ACOT7: variants seen among roughly 807,000 people sequenced by gnomAD.
ACOT7 encodes the protein cytosolic acyl coenzyme A thioester hydrolase.
A neutral mutation model predicts 40.2 loss-of-function variants in ACOT7; 12 were observed. The ratio of observed to expected loss-of-function variants is 0.30; its 90% confidence interval spans 0.19 to 0.48. The LOEUF (loss-of-function observed/expected upper bound fraction) is 0.48. Ranked by LOEUF, ACOT7 falls within the 20% of genes least tolerant of loss-of-function variation. The pLI, the probability that ACOT7 is intolerant of heterozygous loss-of-function variation, is 0.99. For synonymous variants in ACOT7, 228 were observed against 219.5 expected, an observed-to-expected ratio of 1.04 and a Z score of -0.34; for missense variants, 395 against 530.8, an observed-to-expected ratio of 0.74 and a Z score of 2.51.
In ACOT7 at chr1:6,332,737, C is replaced by T. The variant is rs543256561; in HGVS notation, c.510+740G>A. 3.3e-5 allele frequency among the ~76,000 whole-genome samples: 5 copies of T among 152,016 alleles called. No homozygotes were observed. In the East Asian group the frequency reaches 9.6e-4, roughly 29 times the overall value. ...TCAGGAGGCTGAGGCAGGAGAATGG[C>T]GTGAACGTGGGAGGCGGAGCTTGCA... On this transcript the variant is annotated intron_variant, in intron 4 of 8. Transcript: ENST00000361521.
At chr1:6,314,042 G>A (rs549451371) in intron 6 of ACOT7, among the ~76,000 whole-genome samples, 1 of 152,324 alleles carries the variant, frequency 6.6e-6, no homozygotes, top group Non-Finnish European at 1.5e-5. Context: ...AATGAGCAAC[G>A]TGGAGGAGGA....
chr1:6,318,145 T>G (rs1488790245), intron 6 of ACOT7, among the ~76,000 whole-genome samples: 1 of 152,220 alleles, frequency 6.6e-6, no homozygotes, highest in African/African-American at 2.4e-5. Flanking sequence ...AACTTCGACC[T>G]CCTGGGCTCA....
chr1:6,369,838 C>A, intron 1 of ACOT7, among the ~76,000 whole-genome samples: 1 of 152,174 alleles, frequency 6.6e-6, no homozygotes, highest in East Asian at 1.9e-4. Context: ...CCTCAGCCTC[C>A]CAAAGTGTTA....
At chr1:6,357,465 G>A (rs1223758640) in intron 1 of ACOT7, among the ~76,000 whole-genome samples, 3 of 152,230 alleles carry the variant, frequency 2.0e-5, no homozygotes, top group African/African-American at 7.2e-5. Context: ...CAAACCAGAG[G>A]TCAAGCACCA....
Position 6,294,370 on chromosome 1 carries a change from G to A in ACOT7, c.829+494C>T, listed in dbSNP as rs1208528160. ...TTTCCAGGCAGGGGCCAGGTGGCTG[G>A]GGTTGGATTTTTGTGGTGGAGAAAA... On this transcript the variant is annotated intron_variant, in intron 7 of 8. Transcript: ENST00000361521. This position sits in a 1 kb window ranked among gnomAD's most constrained non-coding sequence, Gnocchi z 4.6. Among the ~76,000 whole-genome samples, 3 of 152,240 alleles carry A rather than the reference G, an allele frequency of 2.0e-5. No homozygotes were observed. The highest frequency in any genetic ancestry group is 4.4e-5 in the Non-Finnish European group (3 of 68,044).
intron 1 of ACOT7, among the ~76,000 whole-genome samples, chr1:6,369,957 C>T (rs1642097126): frequency 6.6e-6 from 1 of 152,154 alleles, no homozygotes; most frequent in African/African-American, 2.4e-5. Flanking sequence ...TGCTATTATC[C>T]ACTATGGTTT....
chr1:6,298,768 A>G lies in ACOT7; in HGVS notation c.713-3788T>C, dbSNP rs527612567. On this transcript the variant is annotated intron_variant, in intron 6 of 8. Transcript: ENST00000361521. ...CTCTCTCCCATGGCAAGGGGCCTCCATAAAGGCCCAGCAAGCCCAGCCCTC... is the reference window on the plus strand; with the variant it reads ...CTCTCTCCCATGGCAAGGGGCCTCCGTAAAGGCCCAGCAAGCCCAGCCCTC... Among the ~76,000 whole-genome samples the G allele has an allele frequency of 4.6e-5, 7 of 152,342 alleles. No homozygotes were observed. In the South Asian group the frequency reaches 1.4e-3, roughly 32 times the overall value.
rs1431498367 is a variant in ACOT7 at position 6,294,035 on chromosome 1, G to A, written c.829+829C>T. ...CACTTCTTCCACTCTCGCTTCCCAC[G>A]ACAAGGGGCTGGTCTCAGCCAACAG... On this transcript the variant is annotated intron_variant, in intron 7 of 8. Coordinates refer to ENST00000361521, the MANE Select transcript of ACOT7 (RefSeq NM_007274.4). This position sits in a 1 kb window ranked among gnomAD's most constrained non-coding sequence, Gnocchi z 4.6. 2.0e-5 allele frequency among the ~76,000 whole-genome samples: 3 copies of A among 152,198 alleles called. No homozygotes were observed. The highest frequency in any genetic ancestry group is 4.4e-5 in the Non-Finnish European group (3 of 68,034).
intron 1 of ACOT7, among the ~76,000 whole-genome samples, chr1:6,354,884 T>G: frequency 1.4e-5 from 2 of 148,062 alleles, no homozygotes; most frequent in Non-Finnish European, 3.0e-5. Flanking sequence ...CCTCTGCACT[T>G]GCCTCTTGCC....
At chr1:6,323,870 C>G (rs920312385) in intron 5 of ACOT7, among the ~76,000 whole-genome samples, 1 of 150,586 alleles carries the variant, frequency 6.6e-6, no homozygotes, top group African/African-American at 2.4e-5. Context: ...GGTTGCTAGG[C>G]AACAGTCTGA....
intron 4 of ACOT7, among the ~76,000 whole-genome samples, chr1:6,332,001 G>C (rs925781562): frequency 2.0e-5 from 3 of 152,176 alleles, no homozygotes; most frequent in Non-Finnish European, 2.9e-5. Context: ...ACGGGAAGAT[G>C]GAGAGCCAGG....
chr1:6,324,559 G>A (rs1248576218), intron 5 of ACOT7, among the ~76,000 whole-genome samples: 1 of 152,170 alleles, frequency 6.6e-6, no homozygotes, highest in African/African-American at 2.4e-5. Context: ...GCAGAAGCTA[G>A]GATCTAATCC....
rs544289164 is a variant in ACOT7, at chr1:6,359,172, G to A, written c.144-9306C>T. The A allele has an allele frequency of 7.9e-5, 20 of 254,090 alleles. No homozygotes were observed. Among genetic ancestry groups the A allele is most frequent in the Admixed American group, 4.6e-4 (9 of 19,468 alleles). The allele number at this position is 254,090 out of a possible 1,614,324, so 15.7% of individuals were successfully genotyped here. On this transcript the variant is annotated intron_variant, in intron 1 of 8. Transcript: ENST00000361521. The surrounding 1 kb of genome is among the most constrained non-coding windows in gnomAD (Gnocchi z 4.1). ...CGCTGCTGAGCGGCCTCAGGGAAGC[G>A]GCTATGAGGCTCTGCCTTCTCTGAC...
chr1:6,335,376 C>G (rs1427969381), intron 3 of ACOT7, among the ~76,000 whole-genome samples: 1 of 148,276 alleles, frequency 6.7e-6, no homozygotes, highest in Admixed American at 6.7e-5. Flanking sequence ...GCGGTGCACA[C>G]ATGTGGTCCC....
intron 4 of ACOT7, among the ~76,000 whole-genome samples, chr1:6,329,993 C>T (rs939741906): frequency 6.6e-6 from 1 of 152,108 alleles, no homozygotes; most frequent in African/African-American, 2.4e-5. Flanking sequence ...CTGCGCTAGA[C>T]GACTGTGCGC....
intron 1 of ACOT7, among the ~76,000 whole-genome samples, chr1:6,360,258 C>A (rs1329438896): frequency 1.3e-5 from 2 of 152,230 alleles, no homozygotes; most frequent in Non-Finnish European, 2.9e-5. Flanking sequence ...GGGATCCCAC[C>A]GACCCAAAAT....
chr1:6,392,940 T>C (rs973569483), intron 1 of ACOT7, among the ~76,000 whole-genome samples: 2 of 151,946 alleles, frequency 1.3e-5, no homozygotes, highest in Non-Finnish European at 2.9e-5. Context: ...CGCCGGGCTC[T>C]GGAGCTGTGC....
At chr1:6,269,841 G>A (rs760490436) in intron 8 of ACOT7, among the ~76,000 whole-genome samples, 7 of 152,250 alleles carry the variant, frequency 4.6e-5, no homozygotes, top group Non-Finnish European at 7.3e-5. Context: ...CAGCCCAGGA[G>A]CCTCAACGTC....
chr1:6,311,355 G>A lies in ACOT7; in HGVS notation c.712+7137C>T, dbSNP rs1463140059. ...ACCGGAGAAGCAACCAGAACAACCC[G>A]GATCATCCCATGGACGAGGGCCCCA... On this transcript the variant is annotated intron_variant, in intron 6 of 8. Transcript: ENST00000361521. The surrounding 1 kb of genome is among the most constrained non-coding windows in gnomAD (Gnocchi z 5.2). Among the ~76,000 whole-genome samples the A allele has an allele frequency of 7.2e-5, 11 of 152,174 alleles. No individual in the cohort carries two copies. The highest frequency in any genetic ancestry group is 3.8e-4 in the East Asian group (2 of 5,200).
Sources: gnomAD v4.1 joint callset for allele counts (sites outside exome capture counted in the v4.1 genomes callset) on GRCh38, gnomAD v4.1.1 for gene constraint, Gnocchi (gnomAD v3.1) non-coding constraint, MANE v1.5 for transcripts, NCBI Gene and HGNC (gene_info 2026-07-23, HGNC 2026-07-21) for gene names.